The following NFKB1 variants were observed in gnomAD, a reference collection of about 807,000 sequenced individuals.
The protein encoded by NFKB1 is nuclear factor kappa B subunit 1, also known as nuclear factor NF-kappa-B p105 subunit.
Under a neutral mutation model 105.1 loss-of-function variants are expected in NFKB1, and 9 were observed. The observed-to-expected ratio is 0.09, with a 90% CI of 0.05 to 0.15. NFKB1 has a LOEUF of 0.15. Ranked by LOEUF, NFKB1 falls within the 10% of genes least tolerant of loss-of-function variation. NFKB1 has a pLI of 1.00. For missense variants in NFKB1, 830 were observed against 1,203.7 expected, an observed-to-expected ratio of 0.69 and a Z score of 4.59; for synonymous variants, 440 against 442.2, an observed-to-expected ratio of 1.00 and a Z score of 0.06.
At chr4:102,502,388 GCGCACA>G (rs1436447414) in intron 1 of NFKB1, among the ~76,000 whole-genome samples, 28 of 96,814 alleles carry the variant, frequency 2.9e-4, no homozygotes, top group South Asian at 7.1e-4. Flanking sequence ...GCGCGCGCGC[GCGCACA>G]CACACACACA....
At chr4:102,598,962 A>G (rs1309086876) in intron 15 of NFKB1, among the ~76,000 whole-genome samples, 1 of 152,228 alleles carries the variant, frequency 6.6e-6, no homozygotes, top group Non-Finnish European at 1.5e-5. Flanking sequence ...GAGCATAGGT[A>G]TAGGGCAGCT....
chr4:102,569,912 T>A (rs1724187362), intron 6 of NFKB1, among the ~76,000 whole-genome samples: 1 of 152,178 alleles, frequency 6.6e-6, no homozygotes, highest in Non-Finnish European at 1.5e-5. Context: ...AAAATTCATT[T>A]ATATAATTAG....
At chr4:102,610,427 C>A (rs2149227498) in intron 19 of NFKB1, 148 bp from the exon 20 acceptor site, 1 of 719,788 alleles carries the variant, frequency 1.4e-6, no homozygotes, top group Non-Finnish European at 2.2e-6. Context: ...TCTGGATATT[C>A]CAGTAGAAAT....
intron 16 of NFKB1, among the ~76,000 whole-genome samples, chr4:102,602,151 ATTATT>A (rs1727211835): frequency 6.6e-6 from 1 of 152,150 alleles, no homozygotes; most frequent in South Asian, 2.1e-4. Flanking sequence ...AAATGCTTTT[ATTATT>A]TTAAAGAAAA....
rs116441560 is a variant in NFKB1 at position 102,523,131 on chromosome 4, C to T, written c.-7-2381C>T. On this transcript the variant is annotated intron_variant, in intron 1 of 23. Coordinates refer to ENST00000226574, the MANE Select transcript of NFKB1 (RefSeq NM_003998.4). ...TTTTTACAGATGAAGAAACAAAGGC[C>T]ACAGTGAGTTTAGTTAATATCCAAG... 5.4e-3 allele frequency among the ~76,000 whole-genome samples: 820 copies of T among 152,148 alleles called. 5 individuals carry two copies. The highest frequency in any genetic ancestry group is 0.016 in the African/African-American group (654 of 41,498).
At chr4:102,605,215 A>G (rs1486468496) in intron 16 of NFKB1, among the ~76,000 whole-genome samples, 1 of 152,198 alleles carries the variant, frequency 6.6e-6, no homozygotes, top group Non-Finnish European at 1.5e-5. Context: ...AGTTTTGAGG[A>G]CATCACTTCA....
intron 12 of NFKB1, 61 bp downstream of exon 12, chr4:102,593,629 T>A: frequency 6.6e-7 from 1 of 1,525,638 alleles, no homozygotes; most frequent in Non-Finnish European, 8.8e-7. Flanking sequence ...AATTTTCTTT[T>A]CTTTGGTTTC....
At chr4:102,542,440 A>G (rs952710153) in intron 5 of NFKB1, among the ~76,000 whole-genome samples, 7 of 152,120 alleles carry the variant, frequency 4.6e-5, no homozygotes, top group African/African-American at 1.7e-4. Context: ...AACAGACACT[A>G]TGTACTACAA....
At chr4:102,517,831 T>C (rs1374703814) in intron 1 of NFKB1, among the ~76,000 whole-genome samples, 1 of 152,244 alleles carries the variant, frequency 6.6e-6, no homozygotes, top group Non-Finnish European at 1.5e-5. Flanking sequence ...ATGATTAATC[T>C]GTCTATCATA....
At chr4:102,561,845 C>T (rs1278343715) in intron 5 of NFKB1, among the ~76,000 whole-genome samples, 1 of 152,096 alleles carries the variant, frequency 6.6e-6, no homozygotes, top group Non-Finnish European at 1.5e-5. Context: ...AGAAATTTGA[C>T]AGTAATCATT....
chr4:102,502,330 T>G (rs1739108202), intron 1 of NFKB1, among the ~76,000 whole-genome samples: 2 of 150,594 alleles, frequency 1.3e-5, no homozygotes, highest in African/African-American at 4.9e-5. Context: ...AAAAGAAACC[T>G]GGCTCGCTCT....
At chr4:102,549,117 T>C (rs887073207) in intron 5 of NFKB1, among the ~76,000 whole-genome samples, 2 of 152,112 alleles carry the variant, frequency 1.3e-5, no homozygotes, top group African/African-American at 4.8e-5. Flanking sequence ...CAGTTAATCA[T>C]AGAAATACTC....
chr4:102,566,977 T>G lies in NFKB1; in HGVS notation c.259-10T>G, dbSNP rs1723927852. On this transcript the variant is annotated splice_polypyrimidine_tract_variant and intron_variant, in intron 5 of 23. Transcript: ENST00000226574. Reference sequence around the variant, plus strand: ...GATATGCTAACTTTTGGAATGTGCTTCTTATATAGATCTGCAACTATGTGG... The same window carrying G: ...GATATGCTAACTTTTGGAATGTGCTGCTTATATAGATCTGCAACTATGTGG... 6.2e-7 allele frequency: 1 copy of G among 1,613,702 alleles called. No homozygotes were observed. The highest frequency in any genetic ancestry group is 1.3e-5 in the African/African-American group (1 of 75,034).
chr4:102,585,877 A>G (rs112121456), intron 11 of NFKB1, among the ~76,000 whole-genome samples: 2 of 152,252 alleles, frequency 1.3e-5, no homozygotes, highest in African/African-American at 4.8e-5. Context: ...AGAGAGGTAA[A>G]CACAGCGTTT....
chr4:102,511,370 C>T (rs1739770811), intron 1 of NFKB1, among the ~76,000 whole-genome samples: 1 of 152,200 alleles, frequency 6.6e-6, no homozygotes, highest in South Asian at 2.1e-4. Context: ...ATCATGTAGT[C>T]TTTTCAGTTT....
In NFKB1 at chr4:102,596,321, C is replaced by T. The variant is rs370018067; in HGVS notation, c.1484C>T (p.Ala495Val). ...TYATGTKEES[A>V]GVQDNLFLEK... ...GCAACAGGAACAAAAGAAGAGAGTG[C>T]TGGAGTTCAGGGTAAGTGAGCACAC... The change falls in exon 14 of 24, where the codon GCT becomes GTT. Residue 495 changes from alanine to valine, a missense_variant. Physicochemically the swap from Ala to Val is moderately conservative, Grantham distance 64. Around this residue, in one of 8 missense-constraint regions of NFKB1, gnomAD observed 163 missense variants for 164.3 expected, o/e 0.99. Coordinates refer to ENST00000226574, the MANE Select transcript of NFKB1 (RefSeq NM_003998.4). 40 of 1,607,072 alleles carry T rather than the reference C, an allele frequency of 2.5e-5. No homozygotes were observed. The highest frequency in any genetic ancestry group is 3.3e-5 in the Non-Finnish European group (39 of 1,175,356).
chr4:102,545,200 A>C (rs1486007259), intron 5 of NFKB1, among the ~76,000 whole-genome samples: 1 of 152,130 alleles, frequency 6.6e-6, no homozygotes, highest in African/African-American at 2.4e-5. Flanking sequence ...CCAGAGGTGA[A>C]GCTGGAGGCT....
intron 13 of NFKB1, among the ~76,000 whole-genome samples, 177 bp downstream of exon 13, chr4:102,595,158 ACT>A (rs1186024716): frequency 7.9e-5 from 12 of 152,138 alleles, no homozygotes; most frequent in African/African-American, 2.9e-4. Flanking sequence ...GCTAGTATAA[ACT>A]CTATTACTTT....
At chr4:102,565,851 A>T (rs1723824137) in intron 5 of NFKB1, among the ~76,000 whole-genome samples, 1 of 152,154 alleles carries the variant, frequency 6.6e-6, no homozygotes, top group African/African-American at 2.4e-5. Context: ...TCAGTTCTTC[A>T]AAAAGTACAG....
Sources: allele counts gnomAD v4.1 joint callset (sites outside exome capture counted in the v4.1 genomes callset), GRCh38; gene constraint gnomAD v4.1.1; regional missense constraint gnomAD v4.1.1; transcripts MANE v1.5; gene names NCBI Gene and HGNC (gene_info 2026-07-23, HGNC 2026-07-21).